Variants in APC observed in about 807,000 individuals in gnomAD.
APC encodes the protein adenomatous polyposis coli protein.
Under a neutral mutation model 247.0 loss-of-function variants are expected in APC, and 72 were observed. The ratio of observed to expected loss-of-function variants is 0.29; its 90% CI spans 0.24 to 0.35. APC has a LOEUF of 0.35. Among genes scored for constraint, APC ranks in the 10% least tolerant of loss-of-function variants. The pLI is 1.00. For missense variants in APC, 3,400 were observed against 3,360.7 expected (o/e 1.01, Z -0.29); for synonymous variants, 1,254 against 1,162.5 (o/e 1.08, Z -1.60).
At chr5:112,758,836 C>G (rs1364714824) in intron 2 of APC, among the ~76,000 whole-genome samples, 1 of 151,554 alleles carries the variant, frequency 6.6e-6, no homozygotes, top group African/African-American at 2.4e-5. Flanking sequence ...CTCCTGACCT[C>G]AGGTGATCCA....
chr5:112,792,841 A>G (rs1759782822), intron 7 of APC, among the ~76,000 whole-genome samples: 2 of 152,162 alleles, frequency 1.3e-5, no homozygotes, highest in Admixed American at 6.5e-5. Flanking sequence ...TAGATAATCC[A>G]TAGTAAGAAT....
chr5:112,827,442 A>G (rs1037515499), intron 12 of APC, among the ~76,000 whole-genome samples, 195 bp downstream of exon 12: 1 of 152,226 alleles, frequency 6.6e-6, no homozygotes, highest in Non-Finnish European at 1.5e-5. Flanking sequence ...AGGTACATCT[A>G]CAGATGGAAC....
chr5:112,798,947 T>C (rs1442996516), intron 7 of APC, among the ~76,000 whole-genome samples: 1 of 152,080 alleles, frequency 6.6e-6, no homozygotes, highest in Admixed American at 6.6e-5. Context: ...CTGTGGCTCA[T>C]GCCTGTAATC....
chr5:112,755,620 C>T (rs1447236734), intron 2 of APC, among the ~76,000 whole-genome samples: 1 of 152,170 alleles, frequency 6.6e-6, no homozygotes, highest in Non-Finnish European at 1.5e-5. Flanking sequence ...CACCTTCAAG[C>T]CCTAAAATTG....
intron 1 of APC, among the ~76,000 whole-genome samples, chr5:112,754,415 A>T (rs1754723763): frequency 1.3e-5 from 2 of 152,196 alleles, no homozygotes; most frequent in South Asian, 4.1e-4. Flanking sequence ...AAAAGTGTGA[A>T]ATGGAATATG....
At chr5:112,720,091 T>A (rs959216988) in intron 1 of APC, among the ~76,000 whole-genome samples, 1 of 152,214 alleles carries the variant, frequency 6.6e-6, no homozygotes, top group African/African-American at 2.4e-5. Context: ...TCTACATAAA[T>A]TGGTGTTCTT....
chr5:112,843,532 A>C lies in APC; in HGVS notation c.7938A>C (p.Gln2646His), dbSNP rs1580688401. 2.5e-6 allele frequency: 4 copies of C among 1,613,542 alleles called. No homozygotes were observed. Among genetic ancestry groups the C allele is most frequent in the Non-Finnish European group, 3.4e-6 (4 of 1,179,642 alleles). Reference protein sequence around the residue: ...NGAESKTLIYQMAPAVSKTED... With the variant: ...NGAESKTLIYHMAPAVSKTED... The stretch of plus-strand genomic sequence containing the variant: ...CTGAATCAAAGACTCTAATTTATCA[A>C]ATGGCACCTGCTGTTTCTAAAACAG... Residue 2646 changes from glutamine to histidine, a missense_variant, in exon 16 of 16, where the codon CAA (glutamine) becomes CAC (histidine). Transcript: ENST00000257430. The surrounding 1 kb of genome is among the most constrained non-coding windows in gnomAD (Gnocchi z 4.8).
rs1440117999 is a variant in APC, at chr5:112,754,312, C to A, written c.-18-561C>A. On this transcript the variant is annotated intron_variant, in intron 1 of 15. Transcript: ENST00000257430. ...CTTCATTTAATGCTCTCCTTCATGT[C>A]CATTTTGTTAAATGATTGCCTTTTA... Among the ~76,000 whole-genome samples the A allele has an allele frequency of 2.0e-5, 3 of 152,274 alleles. No homozygotes were observed. In the East Asian group the frequency reaches 5.8e-4, roughly 29 times the overall value.
intron 2 of APC, among the ~76,000 whole-genome samples, chr5:112,763,476 T>C (rs1320789656): frequency 6.6e-6 from 1 of 152,142 alleles, no homozygotes; most frequent in Non-Finnish European, 1.5e-5. Flanking sequence ...TTAATACTTA[T>C]TGTTGGACAT....
intron 5 of APC, 124 bp from the exon 6 acceptor site, chr5:112,780,666 C>G (rs560088625): frequency 2.9e-6 from 2 of 687,546 alleles, no homozygotes; most frequent in Non-Finnish European, 5.2e-6. Context: ...AAATAATTTT[C>G]TCATGCACCA....
At chr5:112,817,671 C>T (rs762688272) in intron 9 of APC, among the ~76,000 whole-genome samples, 1 of 152,138 alleles carries the variant, frequency 6.6e-6, no homozygotes, top group Admixed American at 6.6e-5. Flanking sequence ...GTAATTTATG[C>T]ATGATAATAT....
chr5:112,758,632 A>G (rs1222954924), intron 2 of APC, among the ~76,000 whole-genome samples: 1 of 151,170 alleles, frequency 6.6e-6, no homozygotes, highest in Admixed American at 6.6e-5. Flanking sequence ...CCCCCTCCCC[A>G]CAACTTTTTT....
chr5:112,737,857 C>T (rs1156854246), upstream of APC: 3 of 985,588 alleles, frequency 3.0e-6, no homozygotes, highest in Non-Finnish European at 3.6e-6. Flanking sequence ...CGACATGTGG[C>T]TGTATTGGTG....
At chr5:112,774,856 G>A (rs938609402) in intron 4 of APC, among the ~76,000 whole-genome samples, 3 of 152,126 alleles carry the variant, frequency 2.0e-5, no homozygotes, top group African/African-American at 4.8e-5. Context: ...TATTTAAAAT[G>A]TACATATAAG....
intron 15 of APC, 41 bp from the exon 16 acceptor site, chr5:112,837,512 C>T (rs1473219098): frequency 6.8e-7 from 1 of 1,464,716 alleles, no homozygotes; most frequent in East Asian, 2.3e-5. Flanking sequence ...ACTGCATACA[C>T]ATTGTGACCT....
At chr5:112,794,440 C>G (rs1759983829) in intron 7 of APC, among the ~76,000 whole-genome samples, 1 of 152,146 alleles carries the variant, frequency 6.6e-6, no homozygotes, top group Non-Finnish European at 1.5e-5. Flanking sequence ...TTCTTTGACA[C>G]CACTGTATAT....
In APC at chr5:112,819,320, G is replaced by C. The variant is rs1762869952; in HGVS notation, c.1288G>C (p.Gly430Arg). ...CWEWQEAHEPGMDQDKNPMPA... is the reference protein window; with the variant it reads ...CWEWQEAHEPRMDQDKNPMPA... ...GGAGTGGCAGGAAGCTCATGAACCA[G>C]GCATGGACCAGGACAAAAATCCAAG... The change falls in exon 10 of 16, where the codon GGC (glycine) becomes CGC (arginine). Residue 430 changes from glycine (G) to arginine (R), a missense_variant. Gly to Arg is a moderately radical substitution (Grantham distance 125, BLOSUM62 -2). This residue lies in a region of APC where 199 missense variants were observed against 212.5 expected (regional missense o/e 0.94). Coordinates refer to ENST00000257430, the MANE Select transcript of APC (RefSeq NM_000038.6). 6.2e-7 allele frequency: 1 copy of C among 1,614,016 alleles called. No homozygotes were observed. Among genetic ancestry groups the C allele is most frequent in the Non-Finnish European group, 8.5e-7 (1 of 1,179,968 alleles).
intron 2 of APC, among the ~76,000 whole-genome samples, chr5:112,756,062 C>T (rs1754948223): frequency 6.6e-6 from 1 of 151,974 alleles, no homozygotes; most frequent in South Asian, 2.1e-4. Context: ...TGTCTGTTCA[C>T]TACTCTTATT....
In APC at chr5:112,842,814, G is replaced by A. The variant is rs1312870922; in HGVS notation, c.7220G>A (p.Gly2407Asp). 1 of 1,613,468 alleles carries A rather than the reference G, an allele frequency of 6.2e-7. No individual in the cohort carries two copies. The highest frequency in any genetic ancestry group is 8.5e-7 in the Non-Finnish European group (1 of 1,179,464). ...AAAGGACTAAATCAGATGAATAATG[G>A]TAATGGAGCCAATAAAAAGGTAGAA... ...ASKGLNQMNN[G>D]NGANKKVELS... Residue 2407 changes from glycine (G) to aspartate (D), a missense_variant, in exon 16 of 16, where the codon GGT becomes GAT. Gly to Asp is a moderately conservative substitution (Grantham distance 94). Coordinates refer to ENST00000257430, the MANE Select transcript of APC (RefSeq NM_000038.6).
Sources: gnomAD v4.1 joint callset for allele counts (sites outside exome capture counted in the v4.1 genomes callset) on GRCh38, gnomAD v4.1.1 for gene constraint, gnomAD v4.1.1 regional missense constraint, Gnocchi (gnomAD v3.1) non-coding constraint, MANE v1.5 for transcripts, NCBI Gene and HGNC (gene_info 2026-07-23, HGNC 2026-07-21) for gene names.